Variants in TMEM132C observed in about 807,000 individuals in gnomAD.
The protein encoded by TMEM132C is protein phosphatase 1, regulatory subunit 152.
Under a neutral mutation model 61.4 loss-of-function variants are expected in TMEM132C, and 29 were observed. That is an observed-to-expected ratio of 0.47 (90% CI 0.35 to 0.64). The LOEUF is 0.64. Among genes scored for constraint, TMEM132C ranks in the 30% least tolerant of loss-of-function variants. The pLI, the probability that TMEM132C is intolerant of heterozygous loss-of-function variation, is 0.00. For missense variants in TMEM132C, 1,408 were observed against 1,476.9 expected (o/e 0.95, Z 0.76); for synonymous variants, 656 against 633.1 (o/e 1.04, Z -0.54).
chr12:128,267,549 T>C, intron 1 of TMEM132C, 62 bp downstream of exon 1: 1 of 1,188,720 alleles, frequency 8.4e-7, no homozygotes, highest in South Asian at 3.8e-5. Flanking sequence ...CCGGGGGAGC[T>C]CGGGGTGAGG....
chr12:128,342,624 G>A (rs1254976307), intron 1 of TMEM132C, among the ~76,000 whole-genome samples: 1 of 152,184 alleles, frequency 6.6e-6, no homozygotes, highest in Non-Finnish European at 1.5e-5. Context: ...GTGTTGAGAA[G>A]CCTTTACATC....
chr12:128,365,956 T>C (rs1873854718), intron 1 of TMEM132C, among the ~76,000 whole-genome samples: 1 of 152,158 alleles, frequency 6.6e-6, no homozygotes, highest in Non-Finnish European at 1.5e-5. Flanking sequence ...TTCATTTTGA[T>C]CCAATGTTAG....
chr12:128,396,439 CA>C (rs2136005062), intron 1 of TMEM132C, among the ~76,000 whole-genome samples: 1 of 150,848 alleles, frequency 6.6e-6, no homozygotes, highest in South Asian at 2.1e-4. Context: ...ATGCATTAGA[CA>C]AATACCTAGT....
chr12:128,350,419 G>A (rs1298761527), intron 1 of TMEM132C, among the ~76,000 whole-genome samples: 1 of 152,194 alleles, frequency 6.6e-6, no homozygotes, highest in African/African-American at 2.4e-5. Context: ...ATGGGTGAAA[G>A]AGAAGGCTTC....
At chr12:128,537,201 A>T (rs1044157733) in intron 2 of TMEM132C, among the ~76,000 whole-genome samples, 1 of 152,212 alleles carries the variant, frequency 6.6e-6, no homozygotes, top group Non-Finnish European at 1.5e-5. Flanking sequence ...CTCACTGTGC[A>T]TCCTCAGTAG....
intron 2 of TMEM132C, among the ~76,000 whole-genome samples, chr12:128,495,136 C>T (rs2136103952): frequency 6.6e-6 from 1 of 150,548 alleles, no homozygotes; most frequent in Non-Finnish European, 1.5e-5. Context: ...GTTCAGTTTC[C>T]ATGTAGTTGA....
At chr12:128,671,168 G>A (rs1447389673) in intron 5 of TMEM132C, among the ~76,000 whole-genome samples, 30 of 152,112 alleles carry the variant, frequency 2.0e-4, no homozygotes, top group Admixed American at 2.0e-3. Flanking sequence ...TAGCTGCTTT[G>A]GGGGCTACCA....
At chr12:128,650,856 G>A (rs1442617332) in intron 4 of TMEM132C, among the ~76,000 whole-genome samples, 1 of 152,180 alleles carries the variant, frequency 6.6e-6, no homozygotes, top group East Asian at 1.9e-4. Flanking sequence ...CCATTTACAT[G>A]GATGCAAATG....
At chr12:128,389,373 G>A (rs1181283727) in intron 1 of TMEM132C, among the ~76,000 whole-genome samples, 2 of 152,166 alleles carry the variant, frequency 1.3e-5, no homozygotes, top group Non-Finnish European at 2.9e-5. Context: ...GGGACAGACG[G>A]GGACAGATAG....
At chr12:128,337,022 T>A (rs2630225) in intron 1 of TMEM132C, among the ~76,000 whole-genome samples, 31,340 of 152,150 alleles carry the variant, frequency 0.21, 8,022 homozygotes, top group African/African-American at 0.61. Context: ...TTAAGTCTAA[T>A]GCCATGGAAA....
intron 2 of TMEM132C, among the ~76,000 whole-genome samples, chr12:128,536,723 C>T (rs1873546699): frequency 6.6e-6 from 1 of 150,952 alleles, no homozygotes; most frequent in African/African-American, 2.4e-5. Context: ...GTATCTCCTT[C>T]AGTCTGGGAG....
intron 1 of TMEM132C, among the ~76,000 whole-genome samples, chr12:128,405,235 C>T (rs145161355): frequency 1.2e-4 from 19 of 152,234 alleles, no homozygotes; most frequent in Middle Eastern, 3.4e-3. Context: ...ATAACGTTTC[C>T]GGGAGAAAAC....
intron 5 of TMEM132C, among the ~76,000 whole-genome samples, chr12:128,684,429 TTCTC>T (rs1566014427): frequency 6.6e-6 from 1 of 152,172 alleles, no homozygotes; most frequent in Non-Finnish European, 1.5e-5. Context: ...AAGTATGACT[TTCTC>T]TGGTCCCTAC....
intron 3 of TMEM132C, among the ~76,000 whole-genome samples, chr12:128,583,690 G>T (rs1321828031): frequency 6.6e-6 from 1 of 152,206 alleles, no homozygotes; most frequent in Non-Finnish European, 1.5e-5. Flanking sequence ...CTCAACGTGT[G>T]CTGAGTATTC....
At chr12:128,330,307 T>C (rs1471191464) in intron 1 of TMEM132C, among the ~76,000 whole-genome samples, 1 of 152,254 alleles carries the variant, frequency 6.6e-6, no homozygotes, top group Admixed American at 6.5e-5. Context: ...TAAACTAATG[T>C]GATTTGAAAA....
chr12:128,404,827 A>G (rs147900979), intron 1 of TMEM132C: 3 of 152,248 alleles, frequency 2.0e-5, no homozygotes, highest in Non-Finnish European at 2.9e-5. Flanking sequence ...GGTGTCCACC[A>G]TCTCAGAATC....
At chr12:128,440,320 A>G (rs1332500711) in intron 2 of TMEM132C, among the ~76,000 whole-genome samples, 1 of 152,260 alleles carries the variant, frequency 6.6e-6, no homozygotes, top group East Asian at 1.9e-4. Context: ...TGCAAACAAC[A>G]GAATCCACTC....
At chr12:128,585,295 A>G (rs763358797) in intron 3 of TMEM132C, among the ~76,000 whole-genome samples, 1 of 151,926 alleles carries the variant, frequency 6.6e-6, no homozygotes, top group African/African-American at 2.4e-5. Flanking sequence ...CTAAGACCCA[A>G]CCATTCTTGC....
At chr12:128,662,281 C>T (rs1009194849) in intron 4 of TMEM132C, among the ~76,000 whole-genome samples, 4 of 152,126 alleles carry the variant, frequency 2.6e-5, no homozygotes, top group South Asian at 2.1e-4. Context: ...TTGCCTTATA[C>T]GAGACACTTC....
Sources: gnomAD v4.1 joint callset for allele counts (sites outside exome capture counted in the v4.1 genomes callset) on GRCh38, gnomAD v4.1.1 for gene constraint, MANE v1.5 for transcripts, NCBI Gene and HGNC (gene_info 2026-07-23, HGNC 2026-07-21) for gene names.